ACYP2: variants seen among roughly 807,000 people sequenced by gnomAD.
The protein encoded by ACYP2 is acylphosphatase-2.
Under a neutral mutation model 11.2 loss-of-function variants are expected in ACYP2, and 12 were observed. The observed-to-expected ratio is 1.08, with a 90% CI of 0.69 to 1.74. ACYP2 has a LOEUF of 1.74. ACYP2 is among the 40% of genes most tolerant of loss of function. The probability of loss-of-function intolerance (pLI) is 0.00; values close to 1 mark genes in which losing one functional copy is unlikely to be tolerated. For synonymous variants in ACYP2, 43 were observed against 32.2 expected, an observed-to-expected ratio of 1.33 and a Z score of -1.13; for missense variants, 134 against 101.9, an observed-to-expected ratio of 1.31 and a Z score of -1.35.
At position 54,026,059 on chromosome 2, in the gene ACYP2, G is replaced by A. The variant is rs1339761301; in HGVS notation, c.63-24899G>A. Among the ~76,000 whole-genome samples, 3 of 152,222 alleles carry A rather than the reference G, an allele frequency of 2.0e-5. No homozygotes were observed. The East Asian group carries it at 5.8e-4, about 29-fold the overall frequency. On this transcript the variant is annotated intron_variant, in intron 2 of 6. Coordinates refer to ENST00000607452, the MANE Select transcript of ACYP2 (RefSeq NM_001320586.2). ...TTGAATGCAGGAGGTGGAGGTTGCA[G>A]TGAGCTGAGATCGCACCACTGCACT...
intron 6 of ACYP2, among the ~76,000 whole-genome samples, chr2:54,190,516 C>T (rs751525293): frequency 1.9e-4 from 29 of 152,036 alleles, no homozygotes; most frequent in Non-Finnish European, 3.4e-4. Context: ...TCGTATCTCA[C>T]TTTTACCTCT....
chr2:53,999,751 T>C (rs1411367558), intron 2 of ACYP2, among the ~76,000 whole-genome samples: 1 of 152,172 alleles, frequency 6.6e-6, no homozygotes, highest in African/African-American at 2.4e-5. Context: ...TTCAGAGAGC[T>C]TGCAATGAGA....
chr2:54,039,017 C>A (rs979320370), intron 2 of ACYP2, among the ~76,000 whole-genome samples: 3 of 151,654 alleles, frequency 2.0e-5, no homozygotes, highest in African/African-American at 7.3e-5. Flanking sequence ...AAGAACATCC[C>A]AGGAACAGCT....
intron 6 of ACYP2, among the ~76,000 whole-genome samples, chr2:54,197,617 T>G (rs532112365): frequency 1.5e-4 from 23 of 152,130 alleles, no homozygotes; most frequent in African/African-American, 4.8e-4. Flanking sequence ...GAGACCCCAA[T>G]GGCAAGGAGA....
At chr2:54,236,613 T>C (rs927794499) in intron 6 of ACYP2, among the ~76,000 whole-genome samples, 1 of 152,240 alleles carries the variant, frequency 6.6e-6, no homozygotes, top group East Asian at 1.9e-4. Context: ...ACATATGATT[T>C]TGATAATGAT....
At position 54,220,760 on chromosome 2, in the gene ACYP2, C is replaced by T. The variant is rs565654582; in HGVS notation, c.404+82012C>T. Among the ~76,000 whole-genome samples, 463 of 152,298 alleles carry T rather than the reference C, an allele frequency of 3.0e-3. 8 individuals carry two copies. The highest frequency in any genetic ancestry group is 3.1e-3 in the Non-Finnish European group (210 of 68,030). ...GTATTTGGAATATCAGAAATTTTCACTTCAGAACATTAAAATTAGTGCCTT... is the reference window on the plus strand; with the variant it reads ...GTATTTGGAATATCAGAAATTTTCATTTCAGAACATTAAAATTAGTGCCTT... On this transcript the variant is annotated intron_variant, in intron 6 of 6. Transcript: ENST00000607452.
At chr2:53,978,263 A>AT (rs1671590759) in intron 2 of ACYP2, among the ~76,000 whole-genome samples, 1 of 146,872 alleles carries the variant, frequency 6.8e-6, no homozygotes. Context: ...CTCCATCTCA[A>AT]AAAAAAAAAA....
chr2:54,294,668 T>A (rs1480946979), intron 6 of ACYP2, among the ~76,000 whole-genome samples: 1 of 152,054 alleles, frequency 6.6e-6, no homozygotes, highest in East Asian at 1.9e-4. Flanking sequence ...TTGCAGCTCT[T>A]GGGAGGCTGA....
intron 6 of ACYP2, among the ~76,000 whole-genome samples, chr2:54,240,463 A>G (rs1046063241): frequency 2.6e-5 from 4 of 152,148 alleles, no homozygotes; most frequent in Admixed American, 1.3e-4. Context: ...ATTCTTCTCT[A>G]CTTTAGAGGT....
chr2:54,290,615 T>G (rs1689261285), intron 6 of ACYP2, among the ~76,000 whole-genome samples: 1 of 151,898 alleles, frequency 6.6e-6, no homozygotes, highest in Non-Finnish European at 1.5e-5. Context: ...TAACAACCTC[T>G]GCTATGAGTG....
intron 4 of ACYP2, among the ~76,000 whole-genome samples, chr2:54,092,882 G>A (rs760854757): frequency 5.9e-5 from 9 of 152,184 alleles, no homozygotes; most frequent in Non-Finnish European, 1.2e-4. Context: ...CCTACCTTGA[G>A]TTCTTTTAGA....
At chr2:54,083,259 G>T (rs1274998022) in intron 4 of ACYP2, among the ~76,000 whole-genome samples, 1 of 152,152 alleles carries the variant, frequency 6.6e-6, no homozygotes, top group Non-Finnish European at 1.5e-5. Flanking sequence ...TGCGAATGAT[G>T]TCTCTCTTGA....
chr2:53,984,960 C>G (rs1671957601), intron 2 of ACYP2, among the ~76,000 whole-genome samples: 1 of 151,972 alleles, frequency 6.6e-6, no homozygotes, highest in Non-Finnish European at 1.5e-5. Context: ...ACACATTAAA[C>G]TCAAGAACAA....
intron 3 of ACYP2, among the ~76,000 whole-genome samples, chr2:54,055,833 T>G (rs1293886665): frequency 6.6e-6 from 1 of 152,214 alleles, no homozygotes; most frequent in African/African-American, 2.4e-5. Flanking sequence ...ATTTGACACA[T>G]ATTGAAATTG....
At chr2:54,264,669 A>G (rs187058163) in intron 6 of ACYP2, among the ~76,000 whole-genome samples, 126 of 152,326 alleles carry the variant, frequency 8.3e-4, no homozygotes, top group Non-Finnish European at 1.3e-3. Context: ...TACAGAAACA[A>G]GTAGAAATCT....
intron 3 of ACYP2, chr2:54,051,882 TAAAA>T: frequency 3.9e-6 from 1 of 258,236 alleles, no homozygotes; most frequent in Non-Finnish European, 7.5e-6. Flanking sequence ...CTGCCTTTAC[TAAAA>T]AAATACAAAA....
At chr2:54,018,821 C>T (rs910184794) in intron 2 of ACYP2, among the ~76,000 whole-genome samples, 2 of 152,094 alleles carry the variant, frequency 1.3e-5, no homozygotes, top group African/African-American at 2.4e-5. Context: ...CATCTCGGCT[C>T]ACTACAACGT....
chr2:54,063,623 T>A (rs892390110), intron 4 of ACYP2, among the ~76,000 whole-genome samples: 3 of 152,244 alleles, frequency 2.0e-5, no homozygotes, highest in African/African-American at 7.2e-5. Flanking sequence ...CCACAGCTAT[T>A]CTTTCTAGGT....
chr2:54,115,329 G>C, intron 4 of ACYP2: 1 of 495,314 alleles, frequency 2.0e-6, no homozygotes. Flanking sequence ...AATAAAGCTG[G>C]GGGAAGCCAC....
Sources: allele counts gnomAD v4.1 joint callset (sites outside exome capture counted in the v4.1 genomes callset), GRCh38; gene constraint gnomAD v4.1.1; transcripts MANE v1.5; gene names NCBI Gene and HGNC (gene_info 2026-07-23, HGNC 2026-07-21).